Variants in PACSIN1 observed in about 807,000 individuals in gnomAD.
The protein encoded by PACSIN1 is protein kinase C and casein kinase substrate in neurons protein 1.
In PACSIN1, 15 loss-of-function variants were observed where a neutral mutation model predicts 59.5. The ratio of observed to expected loss-of-function variants is 0.25; its 90% CI spans 0.17 to 0.39. The LOEUF (loss-of-function observed/expected upper bound fraction) is 0.39. Among genes scored for constraint, PACSIN1 ranks in the 10% least tolerant of loss-of-function variants. The probability of loss-of-function intolerance (pLI) is 1.00; values close to 1 mark genes in which losing one functional copy is unlikely to be tolerated. For synonymous variants in PACSIN1, 210 were observed against 220.6 expected (o/e 0.95, Z 0.42); for missense variants, 420 against 580.2 (o/e 0.72, Z 2.84).
Position 34,533,949 on chromosome 6 carries a change from T to G in PACSIN1, c.*1419T>G, listed in dbSNP as rs1312576605. 6.6e-6 allele frequency: 1 copy of G among 152,250 alleles called. No homozygotes were observed. Among genetic ancestry groups the G allele is most frequent in the African/African-American group, 2.4e-5 (1 of 41,410 alleles). 9.4% of individuals were successfully genotyped at this position (152,250 alleles called of 1,614,324 possible). On this transcript the variant is annotated 3_prime_UTR_variant, in exon 10 of 10. Transcript: ENST00000244458. Reference sequence around the variant, plus strand: ...CAGACCAGGGTTGGACAAAACCCCATGAGGGCGGGGAGCTGGAAGAAAAGT... The same window carrying G: ...CAGACCAGGGTTGGACAAAACCCCAGGAGGGCGGGGAGCTGGAAGAAAAGT...
chr6:34,479,951 T>C (rs962340325), intron 1 of PACSIN1, among the ~76,000 whole-genome samples: 11 of 151,628 alleles, frequency 7.3e-5, no homozygotes, highest in African/African-American at 2.7e-4. Context: ...TCAGCCTCCA[T>C]AGTAGCTGGG....
chr6:34,527,389 G>T lies in PACSIN1; in HGVS notation c.121G>T (p.Asp41Tyr). ...RIDDGHRLCN[D>Y]LMNCVQERAK... ...CGATGACGGCCACCGTCTATGCAAC[G>T]ACCTGATGAACTGCGTGCAGGAGCG... The change falls in exon 3 of 10, where the codon GAC becomes TAC. Residue 41 changes from aspartate (D) to tyrosine (Y), a missense_variant. Asp to Tyr is a radical substitution (Grantham distance 160, BLOSUM62 -3). Coordinates refer to ENST00000244458, the MANE Select transcript of PACSIN1 (RefSeq NM_020804.5). The T allele has an allele frequency of 6.2e-7, 1 of 1,601,106 alleles. No individual in the cohort carries two copies. Among genetic ancestry groups the T allele is most frequent in the Non-Finnish European group, 8.5e-7 (1 of 1,175,022 alleles).
chr6:34,475,306 TA>T (rs34453408), intron 1 of PACSIN1, among the ~76,000 whole-genome samples: 1 of 150,226 alleles, frequency 6.7e-6, no homozygotes, highest in Non-Finnish European at 1.5e-5. Context: ...TTCCTAAAAT[TA>T]AAAAAAAAAT....
Position 34,522,312 on chromosome 6 carries a change from T to A in PACSIN1, c.-63-3931T>A, listed in dbSNP as rs1216638350. ...GTGCCTCAGTTTCCCCATCTGTAAA[T>A]GAAAATAAGGCACACATAAAGCATC... On this transcript the variant is annotated intron_variant, in intron 1 of 9. Transcript: ENST00000244458. Among the ~76,000 whole-genome samples the A allele has an allele frequency of 2.0e-5, 3 of 152,190 alleles. No homozygotes were observed. In the South Asian group the frequency reaches 6.2e-4, roughly 31 times the overall value.
intron 1 of PACSIN1, among the ~76,000 whole-genome samples, chr6:34,491,858 C>T (rs1218704409): frequency 2.0e-5 from 3 of 152,156 alleles, no homozygotes; most frequent in East Asian, 1.9e-4. Flanking sequence ...GTGATCCACC[C>T]GCCTCAGCCT....
At chr6:34,501,884 T>G (rs1394045128) in intron 1 of PACSIN1, among the ~76,000 whole-genome samples, 1 of 151,840 alleles carries the variant, frequency 6.6e-6, no homozygotes, top group Non-Finnish European at 1.5e-5. Context: ...CAAAAAAAAT[T>G]AGCCAGGTGT....
chr6:34,500,891 T>C (rs1240007194), intron 1 of PACSIN1, among the ~76,000 whole-genome samples: 1 of 152,258 alleles, frequency 6.6e-6, no homozygotes, highest in Non-Finnish European at 1.5e-5. Context: ...GTTATGGAAA[T>C]GGCTCCTCTC....
intron 1 of PACSIN1, among the ~76,000 whole-genome samples, chr6:34,494,938 G>C (rs1363895409): frequency 6.6e-6 from 1 of 152,214 alleles, no homozygotes; most frequent in African/African-American, 2.4e-5. Context: ...GCTAGTTACT[G>C]TAAGTCCAAG....
chr6:34,530,312 G>C lies in PACSIN1; in HGVS notation c.858G>C (p.Trp286Cys). The C allele has an allele frequency of 6.2e-7, 1 of 1,614,182 alleles. No homozygotes were observed. ...CTGATGCCCAGGAAGACCTCAGATG[G>C]TTCCGCAGCACCAGTGGCCCCGGCA... ...RGADAQEDLR[W>C]FRSTSGPGMP... The change falls in exon 7 of 10, where the codon TGG becomes TGC. Residue 286 changes from tryptophan to cysteine, a missense_variant. Trp to Cys is a radical substitution (Grantham distance 215). Transcript: ENST00000244458. This position sits in a 1 kb window ranked among gnomAD's most constrained non-coding sequence, Gnocchi z 4.4.
At chr6:34,467,908 G>A (rs550079410) in intron 1 of PACSIN1, among the ~76,000 whole-genome samples, 1 of 152,290 alleles carries the variant, frequency 6.6e-6, no homozygotes, top group Non-Finnish European at 1.5e-5. Flanking sequence ...TTTGGAGATA[G>A]TGTTGCAACC....
rs1005631705 is a variant in PACSIN1 at position 34,526,137 on chromosome 6, T to G, written c.-63-106T>G. ...TCTGGACAGGAAGATGGCATCCTAA[T>G]GCAAGCCTCCCTGGGTCCCATCGGT... On this transcript the variant is annotated intron_variant, in intron 1 of 9. Coordinates refer to ENST00000244458, the MANE Select transcript of PACSIN1 (RefSeq NM_020804.5). 4.7e-5 allele frequency: 28 copies of G among 596,800 alleles called. No homozygotes were observed. The African/African-American group carries it at 5.1e-4, about 11-fold the overall frequency. 37.0% of individuals were successfully genotyped at this position (596,800 alleles called of 1,614,324 possible).
chr6:34,520,845 G>A (rs1044184979), intron 1 of PACSIN1, among the ~76,000 whole-genome samples: 1 of 152,066 alleles, frequency 6.6e-6, no homozygotes. Flanking sequence ...GACAGAGGGC[G>A]GGTGGGACTC....
At chr6:34,520,182 G>A (rs984506601) in intron 1 of PACSIN1, among the ~76,000 whole-genome samples, 1 of 152,154 alleles carries the variant, frequency 6.6e-6, no homozygotes, top group African/African-American at 2.4e-5. Context: ...CATCTCAGCT[G>A]ACTCAAATCC....
In PACSIN1 at chr6:34,514,048, A is replaced by T. The variant is rs938569254; in HGVS notation, c.-63-12195A>T. Reference sequence around the variant, plus strand: ...TTAAAGATGTGCGTATGCTGATATTAGTGTCACAGTTACGTGTGTGTGTGT... The same window carrying T: ...TTAAAGATGTGCGTATGCTGATATTTGTGTCACAGTTACGTGTGTGTGTGT... On this transcript the variant is annotated intron_variant, in intron 1 of 9. Coordinates refer to ENST00000244458, the MANE Select transcript of PACSIN1 (RefSeq NM_020804.5). This position sits in a 1 kb window ranked among gnomAD's most constrained non-coding sequence, Gnocchi z 4.4. Among the ~76,000 whole-genome samples the T allele has an allele frequency of 6.6e-6, 1 of 152,214 alleles. No homozygotes were observed. Among genetic ancestry groups the T allele is most frequent in the Non-Finnish European group, 1.5e-5 (1 of 68,038 alleles).
intron 1 of PACSIN1, among the ~76,000 whole-genome samples, chr6:34,504,290 ATTT>A (rs368149319): frequency 0.1 from 9,274 of 93,060 alleles, 353 homozygotes; most frequent in Non-Finnish European, 0.12. Context: ...ATATATATAT[ATTT>A]TTTTTTTTTT....
chr6:34,501,372 A>C (rs558847777), intron 1 of PACSIN1, among the ~76,000 whole-genome samples: 1 of 152,218 alleles, frequency 6.6e-6, no homozygotes, highest in Non-Finnish European at 1.5e-5. Flanking sequence ...AGAAATTGCT[A>C]ATCTGGTCCA....
intron 1 of PACSIN1, among the ~76,000 whole-genome samples, chr6:34,496,475 G>A (rs187686492): frequency 3.9e-5 from 6 of 152,184 alleles, no homozygotes; most frequent in Non-Finnish European, 5.9e-5. Flanking sequence ...GAGGCTGCTC[G>A]GCCTCCTCCT....
At chr6:34,472,752 G>C (rs2127238253) in intron 1 of PACSIN1, among the ~76,000 whole-genome samples, 1 of 152,232 alleles carries the variant, frequency 6.6e-6, no homozygotes, top group South Asian at 2.1e-4. Flanking sequence ...TGGGAAAGGG[G>C]GTAAGGTAAG....
chr6:34,511,817 C>T (rs1285469116), intron 1 of PACSIN1, among the ~76,000 whole-genome samples: 1 of 152,060 alleles, frequency 6.6e-6, no homozygotes, highest in Non-Finnish European at 1.5e-5. Context: ...CTGGGGAACA[C>T]GTGGGATAAC....
Sources: gnomAD v4.1 joint callset for allele counts (sites outside exome capture counted in the v4.1 genomes callset) on GRCh38, gnomAD v4.1.1 for gene constraint, Gnocchi (gnomAD v3.1) non-coding constraint, MANE v1.5 for transcripts, NCBI Gene and HGNC (gene_info 2026-07-23, HGNC 2026-07-21) for gene names.